GABRB1: variants seen among roughly 807,000 people sequenced by gnomAD.
GABRB1 encodes the protein gamma-aminobutyric acid type A receptor subunit beta1, also known as gamma-aminobutyric acid receptor subunit beta-1.
A neutral mutation model predicts 51.6 loss-of-function variants in GABRB1; 17 were observed. That is an observed-to-expected ratio of 0.33 (90% CI 0.23 to 0.49). The LOEUF (loss-of-function observed/expected upper bound fraction) is 0.49. Ranked by LOEUF, GABRB1 falls within the 20% of genes least tolerant of loss-of-function variation. The probability of loss-of-function intolerance (pLI) is 0.99; values close to 1 mark genes in which losing one functional copy is unlikely to be tolerated. For synonymous variants in GABRB1, 247 were observed against 218.9 expected, an observed-to-expected ratio of 1.13 and a Z score of -1.14; for missense variants, 410 against 600.6, an observed-to-expected ratio of 0.68 and a Z score of 3.32.
chr4:47,074,142 T>C (rs921238105), intron 3 of GABRB1, among the ~76,000 whole-genome samples: 2 of 152,154 alleles, frequency 1.3e-5, no homozygotes, highest in African/African-American at 4.8e-5. Flanking sequence ...CCAATGTTTT[T>C]CTCACAAACG....
chr4:47,237,551 A>T (rs1244197727), intron 4 of GABRB1, among the ~76,000 whole-genome samples: 1 of 152,080 alleles, frequency 6.6e-6, no homozygotes, highest in Non-Finnish European at 1.5e-5. Flanking sequence ...AAGATTTAAT[A>T]TAATTAAGCT....
At chr4:47,193,721 T>C (rs762573555) in intron 4 of GABRB1, among the ~76,000 whole-genome samples, 10 of 152,196 alleles carry the variant, frequency 6.6e-5, no homozygotes, top group Non-Finnish European at 1.5e-4. Context: ...TTTATCAATA[T>C]AATAACTTTG....
chr4:47,308,925 A>G (rs1007899414), intron 4 of GABRB1, among the ~76,000 whole-genome samples: 1 of 152,170 alleles, frequency 6.6e-6, no homozygotes, highest in African/African-American at 2.4e-5. Flanking sequence ...AACTATTGCT[A>G]TCGTTTCAAG....
intron 4 of GABRB1, among the ~76,000 whole-genome samples, chr4:47,172,869 T>C (rs1010986810): frequency 1.3e-5 from 2 of 152,036 alleles, no homozygotes; most frequent in African/African-American, 2.4e-5. Context: ...CTTGAGCTCC[T>C]GACCTCAGAT....
chr4:47,258,841 G>A (rs980378893), intron 4 of GABRB1, among the ~76,000 whole-genome samples: 3 of 152,138 alleles, frequency 2.0e-5, no homozygotes, highest in African/African-American at 7.2e-5. Flanking sequence ...ATAGCATAGT[G>A]TAAAATTTAG....
chr4:47,186,561 T>A (rs1021862404), intron 4 of GABRB1, among the ~76,000 whole-genome samples: 1 of 151,880 alleles, frequency 6.6e-6, no homozygotes, highest in Non-Finnish European at 1.5e-5. Flanking sequence ...TTTCCAGGTA[T>A]AATGAAATTG....
At chr4:47,225,237 A>T (rs1292220000) in intron 4 of GABRB1, among the ~76,000 whole-genome samples, 3 of 152,168 alleles carry the variant, frequency 2.0e-5, no homozygotes, top group African/African-American at 7.2e-5. Flanking sequence ...AGAGGTGCTC[A>T]GATGGAACCA....
chr4:47,129,667 T>C (rs1037118220), intron 3 of GABRB1, among the ~76,000 whole-genome samples: 8 of 152,208 alleles, frequency 5.3e-5, no homozygotes, highest in African/African-American at 1.2e-4. Flanking sequence ...ATAGCTATCA[T>C]GGATTTTAGA....
chr4:47,282,058 A>G (rs1394026640), intron 4 of GABRB1, among the ~76,000 whole-genome samples: 2 of 152,092 alleles, frequency 1.3e-5, no homozygotes, highest in Admixed American at 1.3e-4. Flanking sequence ...CATTAAAAAA[A>G]GATGAATTGT....
intron 3 of GABRB1, among the ~76,000 whole-genome samples, chr4:47,122,639 C>T (rs1171665426): frequency 6.6e-6 from 1 of 151,986 alleles, no homozygotes; most frequent in African/African-American, 2.4e-5. Flanking sequence ...ACACTGGGTG[C>T]TTCTAAGCAG....
At chr4:47,196,198 T>G (rs1396442568) in intron 4 of GABRB1, among the ~76,000 whole-genome samples, 1 of 152,200 alleles carries the variant, frequency 6.6e-6, no homozygotes, top group African/African-American at 2.4e-5. Flanking sequence ...GAGCTAATCC[T>G]TGGGAAGAAA....
intron 5 of GABRB1, among the ~76,000 whole-genome samples, chr4:47,340,582 G>A (rs1725849651): frequency 6.6e-6 from 1 of 152,100 alleles, no homozygotes; most frequent in African/African-American, 2.4e-5. Flanking sequence ...CATGGCAGAA[G>A]GGATTAGCTG....
chr4:47,287,196 T>C (rs899854092), intron 4 of GABRB1, among the ~76,000 whole-genome samples: 1 of 152,224 alleles, frequency 6.6e-6, no homozygotes, highest in Non-Finnish European at 1.5e-5. Flanking sequence ...GAGGTTCTTA[T>C]ACCAGGTTGC....
chr4:47,306,308 AGAG>A (rs1236962770), intron 4 of GABRB1, among the ~76,000 whole-genome samples: 1 of 138,438 alleles, frequency 7.2e-6, no homozygotes, highest in Admixed American at 7.3e-5. Flanking sequence ...AGGGATGGGA[AGAG>A]GAGGGGTGGG....
At chr4:47,213,460 C>G (rs1720442850) in intron 4 of GABRB1, among the ~76,000 whole-genome samples, 1 of 152,036 alleles carries the variant, frequency 6.6e-6, no homozygotes, top group South Asian at 2.1e-4. Flanking sequence ...CTCACTCTCT[C>G]TCTCTCTCTG....
chr4:47,195,155 A>G (rs1268072167), intron 4 of GABRB1, among the ~76,000 whole-genome samples: 1 of 152,146 alleles, frequency 6.6e-6, no homozygotes, highest in Non-Finnish European at 1.5e-5. Flanking sequence ...TCACGAGGTC[A>G]TGAAATCGAG....
chr4:47,022,633 C>T (rs374236826), intron 1 of GABRB1, among the ~76,000 whole-genome samples: 5 of 151,918 alleles, frequency 3.3e-5, no homozygotes, highest in African/African-American at 1.2e-4. Flanking sequence ...TAGCTTAGAT[C>T]CAAAAGACAG....
chr4:47,125,552 A>G (rs1472938432), intron 3 of GABRB1, among the ~76,000 whole-genome samples: 1 of 45,576 alleles, frequency 2.2e-5, no homozygotes, highest in African/African-American at 6.8e-5. Context: ...ACAACAAAGT[A>G]TAATTTCTTT....
intron 1 of GABRB1, among the ~76,000 whole-genome samples, chr4:46,997,517 C>G (rs1054747180): frequency 1.3e-5 from 2 of 151,874 alleles, no homozygotes; most frequent in African/African-American, 2.4e-5. Context: ...ACCATCCCTC[C>G]TTTGGTAACT....
Sources: gnomAD v4.1 joint callset for allele counts (sites outside exome capture counted in the v4.1 genomes callset) on GRCh38, gnomAD v4.1.1 for gene constraint, MANE v1.5 for transcripts, NCBI Gene and HGNC (gene_info 2026-07-23, HGNC 2026-07-21) for gene names.